PLCB1: variants seen among roughly 807,000 people sequenced by gnomAD.
PLCB1 encodes phospholipase C beta 1.
A neutral mutation model predicts 161.8 loss-of-function variants in PLCB1; 46 were observed. That is an observed-to-expected ratio of 0.28 (90% CI 0.22 to 0.36). PLCB1 has a LOEUF of 0.36. Among genes scored for constraint, PLCB1 ranks in the 10% least tolerant of loss-of-function variants. The probability of loss-of-function intolerance (pLI) is 1.00; values close to 1 mark genes in which losing one functional copy is unlikely to be tolerated. For missense variants in PLCB1, 1,016 were observed against 1,472.5 expected, an observed-to-expected ratio of 0.69 and a Z score of 5.07; for synonymous variants, 517 against 503.7, an observed-to-expected ratio of 1.03 and a Z score of -0.35.
chr20:8,772,114 C>T (rs560168332), intron 26 of PLCB1, among the ~76,000 whole-genome samples: 3 of 143,334 alleles, frequency 2.1e-5, no homozygotes, highest in Non-Finnish European at 4.5e-5. Context: ...CTTCTGGGTT[C>T]AAGTGATCTG....
intron 11 of PLCB1, among the ~76,000 whole-genome samples, chr20:8,701,353 C>G (rs1978347208): frequency 6.6e-6 from 1 of 152,264 alleles, no homozygotes; most frequent in South Asian, 2.1e-4. Flanking sequence ...ACAGGCTCTT[C>G]CCTCTGCCTG....
chr20:8,697,554 C>T (rs1568564448), intron 10 of PLCB1, 72 bp from the exon 11 acceptor site: 3 of 1,469,942 alleles, frequency 2.0e-6, no homozygotes, highest in African/African-American at 1.4e-5. Context: ...TATTGAGGAG[C>T]CTTTCTAAGA....
At chr20:8,649,717 A>T (rs1468552360) in intron 7 of PLCB1, 4 of 472,126 alleles carry the variant, frequency 8.5e-6, no homozygotes, top group African/African-American at 7.7e-5. Context: ...GAGAGTCCCC[A>T]CTAGCAAGAA....
At chr20:8,644,044 G>A (rs957746019) in intron 4 of PLCB1, among the ~76,000 whole-genome samples, 13 of 152,226 alleles carry the variant, frequency 8.5e-5, no homozygotes, top group African/African-American at 3.1e-4. Flanking sequence ...TGATCTGCCA[G>A]CCTCGGCATC....
intron 2 of PLCB1, among the ~76,000 whole-genome samples, chr20:8,206,560 C>A (rs985149591): frequency 6.6e-6 from 1 of 151,982 alleles, no homozygotes; most frequent in Non-Finnish European, 1.5e-5. Flanking sequence ...ATTTTTGGAC[C>A]TGCATCTAGA....
At chr20:8,268,576 C>A (rs1982103367) in intron 2 of PLCB1, among the ~76,000 whole-genome samples, 1 of 152,206 alleles carries the variant, frequency 6.6e-6, no homozygotes, top group Non-Finnish European at 1.5e-5. Flanking sequence ...AATTTACAGT[C>A]CCACCAACAG....
intron 27 of PLCB1, among the ~76,000 whole-genome samples, chr20:8,780,318 C>A (rs1983152424): frequency 2.6e-5 from 4 of 152,134 alleles, no homozygotes; most frequent in Admixed American, 2.6e-4. Flanking sequence ...GGAGTTTTTG[C>A]TTCTCAGCCA....
rs1209757671 is a variant in PLCB1 at position 8,884,476 on chromosome 20, A to C, written c.*2627A>C. ...GTTTTGGCCATGTAAACCAATTTTC[A>C]AAGTTCTAATGACATAGCCATGTGT... is the stretch of plus-strand genomic sequence containing the variant. On this transcript the variant is annotated 3_prime_UTR_variant, in exon 32 of 32. Coordinates refer to ENST00000338037, the MANE Select transcript of PLCB1 (RefSeq NM_015192.4). The C allele has an allele frequency of 1.3e-5, 2 of 152,580 alleles. No individual in the cohort carries two copies. The highest frequency in any genetic ancestry group is 4.8e-5 in the African/African-American group (2 of 41,428). The allele number at this position is 152,580 out of a possible 1,614,324, so 9.5% of individuals were successfully genotyped here.
intron 3 of PLCB1, among the ~76,000 whole-genome samples, chr20:8,503,125 A>G (rs760849694): frequency 6.6e-6 from 1 of 152,228 alleles, no homozygotes; most frequent in Non-Finnish European, 1.5e-5. Flanking sequence ...ATTAGTTAAT[A>G]GAAGGGAAGA....
At chr20:8,259,583 T>G (rs1170976534) in intron 2 of PLCB1, among the ~76,000 whole-genome samples, 1 of 152,010 alleles carries the variant, frequency 6.6e-6, no homozygotes, top group African/African-American at 2.4e-5. Flanking sequence ...ACCACTGCAC[T>G]CCAGTCTGGG....
chr20:8,776,593 G>A (rs931393690), intron 27 of PLCB1, among the ~76,000 whole-genome samples: 18 of 152,100 alleles, frequency 1.2e-4, no homozygotes, highest in Middle Eastern at 3.2e-3. Context: ...TCATAGATAC[G>A]TACAACCACC....
chr20:8,490,782 G>A (rs1035239407), intron 3 of PLCB1, among the ~76,000 whole-genome samples: 2 of 151,638 alleles, frequency 1.3e-5, no homozygotes. Context: ...TTGGTAAAGC[G>A]TCTGTTTATG....
intron 2 of PLCB1, among the ~76,000 whole-genome samples, chr20:8,368,293 C>T (rs1986782866): frequency 6.6e-6 from 1 of 151,790 alleles, no homozygotes; most frequent in Non-Finnish European, 1.5e-5. Context: ...TTTGGGAGCC[C>T]GAGGCGAGTG....
chr20:8,132,607 C>T lies in PLCB1; in HGVS notation c.-45C>T. 3.5e-6 allele frequency: 5 copies of T among 1,412,048 alleles called. No individual in the cohort carries two copies. The highest frequency in any genetic ancestry group is 1.2e-5 in the South Asian group (1 of 81,334). 87.5% of individuals were successfully genotyped at this position (1,412,048 alleles called of 1,614,324 possible). On this transcript the variant is annotated 5_prime_UTR_variant, in exon 1 of 32. Coordinates refer to ENST00000338037, the MANE Select transcript of PLCB1 (RefSeq NM_015192.4). This position sits in a 1 kb window ranked among gnomAD's most constrained non-coding sequence, Gnocchi z 5.2. ...CCGCGCCCCGCGCACGGTCCCCAGT[C>T]CCTGCCGCGCTCGCCCGGGCCGCCC... is the stretch of plus-strand genomic sequence containing the variant.
chr20:8,175,886 C>G (rs1454861653), intron 2 of PLCB1, among the ~76,000 whole-genome samples: 1 of 152,112 alleles, frequency 6.6e-6, no homozygotes, highest in Non-Finnish European at 1.5e-5. Context: ...AGACAATCCA[C>G]TAAAGAGGAT....
chr20:8,427,157 C>T (rs939317024), intron 3 of PLCB1, among the ~76,000 whole-genome samples: 2 of 152,164 alleles, frequency 1.3e-5, no homozygotes, highest in East Asian at 1.9e-4. Flanking sequence ...GTGATCTGCC[C>T]GTCTCAGCCT....
chr20:8,152,609 T>G (rs1191946910), intron 2 of PLCB1, among the ~76,000 whole-genome samples: 1 of 152,128 alleles, frequency 6.6e-6, no homozygotes, highest in Non-Finnish European at 1.5e-5. Context: ...ATCTGCCACA[T>G]GTACCATAGA....
intron 2 of PLCB1, among the ~76,000 whole-genome samples, chr20:8,287,575 A>G (rs1170486097): frequency 1.3e-5 from 2 of 152,194 alleles, no homozygotes; most frequent in Non-Finnish European, 2.9e-5. Flanking sequence ...GCTGCCGACA[A>G]GGCAGGCATG....
At chr20:8,533,292 T>C (rs1481025646) in intron 3 of PLCB1, among the ~76,000 whole-genome samples, 1 of 151,420 alleles carries the variant, frequency 6.6e-6, no homozygotes, top group Non-Finnish European at 1.5e-5. Flanking sequence ...GTTCCAAGTC[T>C]TTGCTATTGT....
Sources: allele counts gnomAD v4.1 joint callset (sites outside exome capture counted in the v4.1 genomes callset), GRCh38; gene constraint gnomAD v4.1.1; non-coding constraint Gnocchi (gnomAD v3.1); transcripts MANE v1.5; gene names NCBI Gene and HGNC (gene_info 2026-07-23, HGNC 2026-07-21).